Variants in MTMR12 observed in about 807,000 individuals in gnomAD.
MTMR12 encodes the protein myotubularin related protein 12.
In MTMR12, 33 loss-of-function variants were observed where a neutral mutation model predicts 96.7. That is an observed-to-expected ratio of 0.34 (90% confidence interval 0.26 to 0.46). The LOEUF is 0.46. Ranked by LOEUF, MTMR12 falls within the 20% of genes least tolerant of loss-of-function variation. The probability of loss-of-function intolerance (pLI) is 1.00; values close to 1 mark genes in which losing one functional copy is unlikely to be tolerated. For missense variants in MTMR12, 721 were observed against 896.1 expected (o/e 0.80, Z 2.49); for synonymous variants, 298 against 327.2 (o/e 0.91, Z 0.96).
At chr5:32,247,174 ACTCTGT>A (rs1748724612) in intron 10 of MTMR12, among the ~76,000 whole-genome samples, 1 of 151,956 alleles carries the variant, frequency 6.6e-6, no homozygotes, top group South Asian at 2.1e-4. Context: ...ACATGATGGG[ACTCTGT>A]CTCTACAAAA....
chr5:32,310,527 T>G (rs1168148321), intron 1 of MTMR12, among the ~76,000 whole-genome samples: 1 of 152,258 alleles, frequency 6.6e-6, no homozygotes, highest in African/African-American at 2.4e-5. Flanking sequence ...GGTCATTATG[T>G]TAAGTGAACT....
At chr5:32,273,953 ACT>A in intron 3 of MTMR12, 25 bp downstream of exon 3, 1 of 1,612,906 alleles carries the variant, frequency 6.2e-7, no homozygotes, top group Non-Finnish European at 8.5e-7. Flanking sequence ...TTGCCCACAA[ACT>A]CTGCCAAATG....
intron 1 of MTMR12, among the ~76,000 whole-genome samples, chr5:32,311,283 G>A (rs978612037): frequency 6.6e-6 from 1 of 152,132 alleles, no homozygotes; most frequent in South Asian, 2.1e-4. Context: ...ATACCACAAG[G>A]GAAGCCCGCT....
chr5:32,292,242 C>T (rs1005636226), intron 1 of MTMR12, among the ~76,000 whole-genome samples: 1 of 152,120 alleles, frequency 6.6e-6, no homozygotes, highest in Non-Finnish European at 1.5e-5. Flanking sequence ...TCTGAATCAG[C>T]GTTCAATACA....
intron 5 of MTMR12, among the ~76,000 whole-genome samples, chr5:32,269,936 A>G (rs1489151541): frequency 1.3e-5 from 2 of 152,208 alleles, no homozygotes; most frequent in Admixed American, 6.5e-5. Flanking sequence ...GAAATTTTCT[A>G]TATCTATACT....
chr5:32,263,665 T>C (rs889926819), intron 6 of MTMR12, among the ~76,000 whole-genome samples: 2 of 152,322 alleles, frequency 1.3e-5, no homozygotes, highest in Non-Finnish European at 2.9e-5. Flanking sequence ...CTCAAACTCC[T>C]GACCTCAAGT....
At chr5:32,294,458 A>AC (rs1750851771) in intron 1 of MTMR12, among the ~76,000 whole-genome samples, 1 of 151,540 alleles carries the variant, frequency 6.6e-6, no homozygotes, top group Admixed American at 6.6e-5. Flanking sequence ...GCCCACCATC[A>AC]CATCTGGTTA....
chr5:32,255,893 T>C, intron 7 of MTMR12, 125 bp from the exon 8 acceptor site: 1 of 795,256 alleles, frequency 1.3e-6, no homozygotes, highest in Non-Finnish European at 2.0e-6. Flanking sequence ...ATTTCCCTGT[T>C]CAGAACCAGC....
intron 4 of MTMR12, 46 bp from the exon 5 acceptor site, chr5:32,270,993 C>G (rs1454434141): frequency 6.4e-7 from 1 of 1,564,678 alleles, no homozygotes; most frequent in Non-Finnish European, 8.7e-7. Flanking sequence ...TGTTACACAG[C>G]AATAAGTGAA....
intron 7 of MTMR12, among the ~76,000 whole-genome samples, chr5:32,262,546 C>T (rs1319424000): frequency 2.6e-5 from 4 of 152,086 alleles, no homozygotes; most frequent in Admixed American, 1.3e-4. Context: ...TGCAGTGAGC[C>T]GAGATGGCAC....
Position 32,228,569 on chromosome 5 carries a change from CATAT to C in MTMR12, c.*1205_*1208del, listed in dbSNP as rs375959852. ...TCATATATATGTGATATATATATAT[CATAT>C]ATATATCATATATATGTGATATATA... On this transcript the variant is annotated 3_prime_UTR_variant, in exon 16 of 16. Transcript: ENST00000382142. 1.1e-4 allele frequency: 12 copies of C among 112,508 alleles called. No homozygotes were observed. The highest frequency in any genetic ancestry group is 1.8e-4 in the Admixed American group (2 of 10,858). 7.0% of individuals were successfully genotyped at this position (112,508 alleles called of 1,614,324 possible). A position where few individuals can be genotyped will look rare whatever the true frequency, so the allele number is the denominator to read the frequency against.
chr5:32,262,066 C>T (rs1749381655), intron 7 of MTMR12, among the ~76,000 whole-genome samples: 1 of 151,774 alleles, frequency 6.6e-6, no homozygotes, highest in East Asian at 2.0e-4. Context: ...AGAGAGACCC[C>T]ATCTTAAAAT....
intron 1 of MTMR12, among the ~76,000 whole-genome samples, chr5:32,292,636 G>A (rs931503280): frequency 3.9e-5 from 6 of 152,192 alleles, no homozygotes; most frequent in African/African-American, 1.4e-4. Context: ...ATCCATTAGG[G>A]CGTCTCTTAG....
chr5:32,263,354 T>A, intron 6 of MTMR12, 112 bp from the exon 7 acceptor site: 1 of 1,301,550 alleles, frequency 7.7e-7, no homozygotes, highest in Non-Finnish European at 1.1e-6. Flanking sequence ...CCCATTTTTA[T>A]CCAAGCAGAA....
At chr5:32,311,786 C>G (rs964156376) in intron 1 of MTMR12, among the ~76,000 whole-genome samples, 1 of 152,220 alleles carries the variant, frequency 6.6e-6, no homozygotes, top group Admixed American at 6.5e-5. Flanking sequence ...GACACACTCC[C>G]ACCTCACGAC....
At chr5:32,246,372 G>A (rs1748689210) in intron 10 of MTMR12, among the ~76,000 whole-genome samples, 2 of 151,982 alleles carry the variant, frequency 1.3e-5, no homozygotes, top group Admixed American at 1.3e-4. Context: ...ATGTTAGCCG[G>A]GCTGGTCTCA....
At chr5:32,302,972 T>C (rs1751208116) in intron 1 of MTMR12, among the ~76,000 whole-genome samples, 1 of 152,164 alleles carries the variant, frequency 6.6e-6, no homozygotes, top group East Asian at 1.9e-4. Context: ...CATGACAACA[T>C]GGCAACAATC....
chr5:32,243,704 A>T, intron 10 of MTMR12, 105 bp from the exon 11 acceptor site: 6 of 674,214 alleles, frequency 8.9e-6, no homozygotes, highest in Non-Finnish European at 1.5e-5. Context: ...AACAGTCCTG[A>T]CTCAAACTGC....
At chr5:32,296,495 A>G (rs1750929656) in intron 1 of MTMR12, 2 of 350,466 alleles carry the variant, frequency 5.7e-6, no homozygotes, top group Admixed American at 3.0e-5. Flanking sequence ...AAGAAACGAG[A>G]AAAAAAAAGG....
Sources: allele counts gnomAD v4.1 joint callset (sites outside exome capture counted in the v4.1 genomes callset), GRCh38; gene constraint gnomAD v4.1.1; transcripts MANE v1.5; gene names NCBI Gene and HGNC (gene_info 2026-07-23, HGNC 2026-07-21).